NRG3: variants seen among roughly 807,000 people sequenced by gnomAD.
NRG3 encodes pro-neuregulin-3, membrane-bound isoform.
In NRG3, 31 loss-of-function variants were observed where a neutral mutation model predicts 66.9. The ratio of observed to expected loss-of-function variants is 0.46; its 90% CI spans 0.35 to 0.63. NRG3 has a LOEUF of 0.63. Ranked by LOEUF, NRG3 falls within the 20% of genes least tolerant of loss-of-function variation. The pLI is 0.00. For synonymous variants in NRG3, 393 were observed against 359.4 expected, an observed-to-expected ratio of 1.09 and a Z score of -1.06; for missense variants, 910 against 878.9, an observed-to-expected ratio of 1.04 and a Z score of -0.45.
intron 1 of NRG3, among the ~76,000 whole-genome samples, chr10:81,898,614 T>C (rs879461752): frequency 3.9e-5 from 6 of 152,276 alleles, no homozygotes; most frequent in Admixed American, 3.3e-4. Flanking sequence ...TGATGTAAAA[T>C]ATTTCAGCAT....
intron 2 of NRG3, among the ~76,000 whole-genome samples, chr10:82,714,281 A>G (rs951540967): frequency 2.0e-5 from 3 of 152,024 alleles, no homozygotes; most frequent in Non-Finnish European, 4.4e-5. Flanking sequence ...AGAATACAAT[A>G]TATTAACTAT....
chr10:82,266,264 G>A (rs780852459), intron 1 of NRG3, among the ~76,000 whole-genome samples: 2 of 152,160 alleles, frequency 1.3e-5, no homozygotes, highest in African/African-American at 2.4e-5. Flanking sequence ...CAGTCGGGGA[G>A]GGTGTGTTCT....
intron 1 of NRG3, among the ~76,000 whole-genome samples, chr10:82,097,128 G>A (rs185454729): frequency 1.6e-3 from 237 of 151,776 alleles, no homozygotes; most frequent in Non-Finnish European, 2.4e-3. Context: ...CAACTGTGTC[G>A]CTATAATTTT....
At chr10:82,917,861 T>C (rs1019513244) in intron 4 of NRG3, among the ~76,000 whole-genome samples, 3 of 151,798 alleles carry the variant, frequency 2.0e-5, no homozygotes, top group African/African-American at 7.3e-5. Context: ...GACTGTTAAC[T>C]GGGCCTTGAC....
intron 1 of NRG3, among the ~76,000 whole-genome samples, chr10:82,346,292 C>A (rs983142033): frequency 6.7e-6 from 1 of 149,754 alleles, no homozygotes; most frequent in Non-Finnish European, 1.5e-5. Context: ...TGAATTTTGT[C>A]AAAGGCTTTT....
Position 82,436,162 on chromosome 10 carries a change from G to A in NRG3, c.953+77294G>A, listed in dbSNP as rs1322910627. ...TGTTAAAGTCTCCCACTAGTATTGT[G>A]TGGGAGTCTAGGTCTCTTTGTAGGT... On this transcript the variant is annotated intron_variant, in intron 2 of 8. Coordinates refer to ENST00000372141, the MANE Select transcript of NRG3 (RefSeq NM_001010848.4). Among the ~76,000 whole-genome samples, 2 of 152,260 alleles carry A rather than the reference G, an allele frequency of 1.3e-5. 1 individual carries two copies.
rs568521484 is a variant in NRG3 at position 82,061,602 on chromosome 10, T to G, written c.823+185439T>G. 7.9e-5 allele frequency among the ~76,000 whole-genome samples: 12 copies of G among 152,248 alleles called. 3 individuals carry two copies. The highest frequency in any genetic ancestry group is 2.9e-4 in the African/African-American group (12 of 41,560). Reference sequence around the variant, plus strand: ...ATCCGTCATAATAAGAAACTTGGGCTTTCTACCAGTTTCCTTTTAAAAATC... The same window carrying G: ...ATCCGTCATAATAAGAAACTTGGGCGTTCTACCAGTTTCCTTTTAAAAATC... On this transcript the variant is annotated intron_variant, in intron 1 of 8. Coordinates refer to ENST00000372141, the MANE Select transcript of NRG3 (RefSeq NM_001010848.4).
chr10:82,853,174 C>T (rs1485725702), intron 3 of NRG3, among the ~76,000 whole-genome samples: 1 of 152,090 alleles, frequency 6.6e-6, no homozygotes, highest in Non-Finnish European at 1.5e-5. Flanking sequence ...TTTGGAAATG[C>T]CCAGAAAATC....
At chr10:82,746,812 C>T (rs2134874320) in intron 3 of NRG3, among the ~76,000 whole-genome samples, 1 of 152,240 alleles carries the variant, frequency 6.6e-6, no homozygotes, top group South Asian at 2.1e-4. Context: ...TGGCTGGATG[C>T]TCACGCTTGT....
chr10:82,906,614 T>A (rs1435820409), intron 4 of NRG3, among the ~76,000 whole-genome samples: 1 of 152,204 alleles, frequency 6.6e-6, no homozygotes, highest in African/African-American at 2.4e-5. Context: ...CAAGACATCA[T>A]GAAATTTAAA....
At chr10:82,751,954 T>TATC (rs3046290) in intron 3 of NRG3, among the ~76,000 whole-genome samples, 13,128 of 152,116 alleles carry the variant, frequency 0.086, 1,749 homozygotes, top group African/African-American at 0.29. Context: ...TGAGGACAAA[T>TATC]ATGCTGGATT....
At chr10:82,370,858 G>A (rs577509969) in intron 2 of NRG3, among the ~76,000 whole-genome samples, 1 of 151,948 alleles carries the variant, frequency 6.6e-6, no homozygotes, top group Non-Finnish European at 1.5e-5. Flanking sequence ...CTAAAAATAT[G>A]TTTATTTTTT....
At chr10:82,477,314 A>C (rs1240139142) in intron 2 of NRG3, among the ~76,000 whole-genome samples, 3 of 152,288 alleles carry the variant, frequency 2.0e-5, no homozygotes, top group African/African-American at 2.4e-5. Context: ...CAGAAGAAAG[A>C]ACATGACCAA....
At chr10:82,286,649 A>T (rs2079435155) in intron 1 of NRG3, among the ~76,000 whole-genome samples, 1 of 152,092 alleles carries the variant, frequency 6.6e-6, no homozygotes. Flanking sequence ...GTGCAGTGGC[A>T]TGATCTCGGC....
At chr10:82,822,952 G>A (rs2062017667) in intron 3 of NRG3, among the ~76,000 whole-genome samples, 2 of 152,300 alleles carry the variant, frequency 1.3e-5, no homozygotes, top group South Asian at 4.1e-4. Flanking sequence ...GGGCTAACAG[G>A]CTGACTGCGG....
At position 82,100,891 on chromosome 10, in the gene NRG3, A is replaced by G. The variant is rs2066689849; in HGVS notation, c.823+224728A>G. On this transcript the variant is annotated intron_variant, in intron 1 of 8. Transcript: ENST00000372141. Reference sequence around the variant, plus strand: ...TTTTTTTTGGCCTCATAAAATTGAGAAGTGTCTTAGAAGAGAATATGTGGA... The same window carrying G: ...TTTTTTTTGGCCTCATAAAATTGAGGAGTGTCTTAGAAGAGAATATGTGGA... 2.0e-5 allele frequency among the ~76,000 whole-genome samples: 3 copies of G among 152,022 alleles called. No homozygotes were observed. The South Asian group carries it at 6.2e-4, about 31-fold the overall frequency.
intron 3 of NRG3, among the ~76,000 whole-genome samples, chr10:82,848,647 AGG>A (rs1428054385): frequency 3.3e-5 from 5 of 152,122 alleles, no homozygotes; most frequent in African/African-American, 1.2e-4. Context: ...GAAGGGTGGT[AGG>A]CAGAATGATA....
chr10:82,086,268 G>T (rs375304295), intron 1 of NRG3, among the ~76,000 whole-genome samples: 1 of 152,066 alleles, frequency 6.6e-6, no homozygotes, highest in Non-Finnish European at 1.5e-5. Flanking sequence ...CTTCCTCTAC[G>T]AGAGTTTTAA....
At chr10:82,690,520 CAT>C (rs2054845173) in intron 2 of NRG3, among the ~76,000 whole-genome samples, 1 of 152,056 alleles carries the variant, frequency 6.6e-6, no homozygotes, top group Non-Finnish European at 1.5e-5. Flanking sequence ...CCATCAGAAA[CAT>C]AAAATATCAA....
Sources: gnomAD v4.1 joint callset for allele counts (sites outside exome capture counted in the v4.1 genomes callset) on GRCh38, gnomAD v4.1.1 for gene constraint, MANE v1.5 for transcripts, NCBI Gene and HGNC (gene_info 2026-07-23, HGNC 2026-07-21) for gene names.